PYROXD2: variants seen among roughly 807,000 people sequenced by gnomAD.
PYROXD2 encodes the protein pyridine nucleotide-disulphide oxidoreductase domain 2.
In PYROXD2, 69 loss-of-function variants were observed where a neutral mutation model predicts 71.1. That is an observed-to-expected ratio of 0.97 (90% CI 0.80 to 1.19). The LOEUF (loss-of-function observed/expected upper bound fraction) is 1.19, where lower values mean the gene tolerates loss of function less well. Among genes scored for constraint, PYROXD2 ranks in the 50% most tolerant of loss-of-function variants. The probability of loss-of-function intolerance (pLI) is 0.00; values close to 1 mark genes in which losing one functional copy is unlikely to be tolerated. For synonymous variants in PYROXD2, 287 were observed against 302.7 expected (o/e 0.95, Z 0.54); for missense variants, 745 against 748.9 (o/e 0.99, Z 0.06).
intron 9 of PYROXD2, 88 bp from the exon 10 acceptor site, chr10:98,392,654 C>T: frequency 6.4e-7 from 1 of 1,552,160 alleles, no homozygotes; most frequent in Non-Finnish European, 8.6e-7. Flanking sequence ...TGTGCTGCTC[C>T]TAGGCATTCA....
chr10:98,388,477 G>T lies in PYROXD2; in HGVS notation c.1324C>A (p.Leu442Met), dbSNP rs1842833516. ...CCAGGGGGAGCCAGGGTGGGGTCCA[G>T]CGAGGAAGGGATGCAGAGCTCAATC... ...PVIELCIPSS[L>M]DPTLAPPGCH... is the part of the protein sequence containing the mutation. Residue 442 changes from leucine (L) to methionine (M), a missense_variant, in exon 13 of 16, where the codon CTG becomes ATG. Transcript: ENST00000370575. The T allele has an allele frequency of 6.2e-7, 1 of 1,611,384 alleles. No homozygotes were observed. The highest frequency in any genetic ancestry group is 8.5e-7 in the Non-Finnish European group (1 of 1,179,202).
intron 5 of PYROXD2, 99 bp from the exon 6 acceptor site, chr10:98,397,597 C>G: frequency 7.1e-7 from 1 of 1,410,654 alleles, no homozygotes; most frequent in Non-Finnish European, 9.4e-7. Context: ...GACGGTTCCT[C>G]AGGCCTCATT....
In PYROXD2 at chr10:98,400,325, G is replaced by A. The variant is rs142378562; in HGVS notation, c.316-68C>T. On this transcript the variant is annotated intron_variant, in intron 4 of 15. Coordinates refer to ENST00000370575, the MANE Select transcript of PYROXD2 (RefSeq NM_032709.3). ...TGGTCTCTGCCCATCATCTTTCTCC[G>A]ATTGTGTTTGTGTGACCATTTAGGT... The A allele has an allele frequency of 9.2e-5, 136 of 1,473,470 alleles. 1 individual carries two copies. In the African/African-American group the frequency reaches 1.1e-3, roughly 12 times the overall value. 91.3% of individuals were successfully genotyped at this position (1,473,470 alleles called of 1,614,324 possible).
rs751526655 is a variant in PYROXD2 at position 98,390,993 on chromosome 10, T to C, written c.1135+17A>G. 1 of 1,595,626 alleles carries C rather than the reference T, an allele frequency of 6.3e-7. No individual in the cohort carries two copies. Among genetic ancestry groups the C allele is most frequent in the South Asian group, 1.1e-5 (1 of 90,716 alleles). On this transcript the variant is annotated intron_variant, in intron 11 of 15. Transcript: ENST00000370575. ...TGGGTCAAAGGAGACAGTGCTGCAA[T>C]GTGGTGTGCCTCTTACCATTGATCT...
Position 98,395,223 on chromosome 10 carries a change from A to G in PYROXD2, c.758T>C (p.Met253Thr), listed in dbSNP as rs770400099. Residue 253 changes from methionine to threonine, a missense_variant, in exon 8 of 16, where the codon ATG (methionine) becomes ACG (threonine). Physicochemically the swap from Met to Thr is moderately conservative, Grantham distance 81. Transcript: ENST00000370575. ...TLATDAVIGAMTSPHTPGSGY... is the reference protein window; with the variant it reads ...TLATDAVIGATTSPHTPGSGY... ...ACTCCCCGGAGTGTGGGGACTTGTC[A>G]TGGCTCCAATCACTGCATCTGTGGC... 1 of 1,614,134 alleles carries G rather than the reference A, an allele frequency of 6.2e-7. No homozygotes were observed. Among genetic ancestry groups the G allele is most frequent in the South Asian group, 1.1e-5 (1 of 91,072 alleles).
At chr10:98,397,118 G>A (rs1364503457) in intron 6 of PYROXD2, among the ~76,000 whole-genome samples, 1 of 152,142 alleles carries the variant, frequency 6.6e-6, no homozygotes, top group African/African-American at 2.4e-5. Flanking sequence ...CCTTCCAAAT[G>A]AACTACCCAC....
intron 4 of PYROXD2, among the ~76,000 whole-genome samples, chr10:98,401,253 C>CAAAA (rs751517406): frequency 4.8e-4 from 22 of 45,552 alleles, no homozygotes; most frequent in South Asian, 2.4e-3. Flanking sequence ...GACTCTGTCT[C>CAAAA]AAAAAAAAAA....
rs762316577 is a variant in PYROXD2 at position 98,393,027 on chromosome 10, C to T, written c.842G>A (p.Gly281Asp). 3.7e-6 allele frequency: 6 copies of T among 1,607,260 alleles called. No homozygotes were observed. Among genetic ancestry groups the T allele is most frequent in the South Asian group, 1.1e-5 (1 of 90,584 alleles). The change falls in exon 9 of 16, where the codon GGC (glycine) becomes GAC (aspartate). Residue 281 changes from glycine (G) to aspartate (D), a missense_variant. Transcript: ENST00000370575. ...GGLEGMQGAW[G>D]YVQGGMGALS... Reference sequence around the variant, plus strand: ...GGCACCCATGCCCCCCTGGACGTAGCCCCAGGCCCCCTGCATTCCCTCCAG... The same window carrying T: ...GGCACCCATGCCCCCCTGGACGTAGTCCCAGGCCCCCTGCATTCCCTCCAG...
In PYROXD2 at chr10:98,395,254, T is replaced by C. The variant is rs142035464; in HGVS notation, c.727A>G (p.Thr243Ala). Reference protein sequence around the residue: ...QWFESEPLKATLATDAVIGAM... With the variant: ...QWFESEPLKAALATDAVIGAM... ...CCAATCACTGCATCTGTGGCTAGAGTGGCTTTTAAAGGCTCAGACTCGAAC... is the reference window on the plus strand; with the variant it reads ...CCAATCACTGCATCTGTGGCTAGAGCGGCTTTTAAAGGCTCAGACTCGAAC... The change falls in exon 8 of 16, where the codon ACT becomes GCT. Residue 243 changes from threonine to alanine, a missense_variant. Thr to Ala is a moderately conservative substitution (Grantham distance 58). Coordinates refer to ENST00000370575, the MANE Select transcript of PYROXD2 (RefSeq NM_032709.3). 4.2e-5 allele frequency: 67 copies of C among 1,613,496 alleles called. No homozygotes were observed. The highest frequency in any genetic ancestry group is 1.0e-4 in the Admixed American group (6 of 59,946).
At chr10:98,390,159 GA>G (rs1304928005) in intron 12 of PYROXD2, among the ~76,000 whole-genome samples, 1 of 152,154 alleles carries the variant, frequency 6.6e-6, no homozygotes, top group Middle Eastern at 3.2e-3. Context: ...CAGAAGAATG[GA>G]AATACAGCTG....
intron 1 of PYROXD2, chr10:98,414,808 G>T: frequency 1.4e-6 from 1 of 690,290 alleles, no homozygotes; most frequent in Non-Finnish European, 2.3e-6. Flanking sequence ...ACACAGCAGA[G>T]CCAGCACCGG....
intron 14 of PYROXD2, 82 bp from the exon 15 acceptor site, chr10:98,385,149 T>C: frequency 6.5e-7 from 1 of 1,540,676 alleles, no homozygotes; most frequent in East Asian, 2.3e-5. Flanking sequence ...CCTCCCCTGT[T>C]CTTCAGCAAA....
At chr10:98,402,481 G>T (rs1051605794) in intron 4 of PYROXD2, among the ~76,000 whole-genome samples, 2 of 152,186 alleles carry the variant, frequency 1.3e-5, no homozygotes, top group South Asian at 2.1e-4. Context: ...TTACTCCAGG[G>T]TCACTTTAAA....
At chr10:98,391,485 T>G (rs151125785) in intron 10 of PYROXD2, among the ~76,000 whole-genome samples, 1 of 152,290 alleles carries the variant, frequency 6.6e-6, no homozygotes, top group South Asian at 2.1e-4. Context: ...GCTTTGCCCC[T>G]AAGAATTGCC....
chr10:98,388,328 G>T, intron 13 of PYROXD2, 26 bp downstream of exon 13: 1 of 1,613,096 alleles, frequency 6.2e-7, no homozygotes, highest in Non-Finnish European at 8.5e-7. Context: ...TGTGGCTCTG[G>T]AGGCAGAACG....
intron 12 of PYROXD2, among the ~76,000 whole-genome samples, chr10:98,389,510 A>G (rs1464782523): frequency 1.3e-5 from 2 of 152,140 alleles, no homozygotes; most frequent in Non-Finnish European, 2.9e-5. Flanking sequence ...GGCACTTGAC[A>G]AGACCCAGCA....
chr10:98,396,365 TG>T (rs1275594647), intron 6 of PYROXD2, among the ~76,000 whole-genome samples: 1 of 152,198 alleles, frequency 6.6e-6, no homozygotes, highest in Admixed American at 6.5e-5. Context: ...GGAGCAGAGC[TG>T]CCTCCACTGA....
chr10:98,397,877 CTTTTTTT>C (rs60678578), intron 5 of PYROXD2, among the ~76,000 whole-genome samples: 24 of 84,176 alleles, frequency 2.9e-4, no homozygotes, highest in African/African-American at 1.1e-3. Flanking sequence ...GTCCTTTCTT[CTTTTTTT>C]TTTTTTTTTT....
chr10:98,392,701 G>T (rs143523587), intron 9 of PYROXD2, 135 bp from the exon 10 acceptor site: 1,155 of 1,425,702 alleles, frequency 8.1e-4, no homozygotes, highest in Middle Eastern at 1.5e-3. Flanking sequence ...ACCAAGTTCT[G>T]CAGCTTCTCC....
Sources: gnomAD v4.1 joint callset for allele counts (sites outside exome capture counted in the v4.1 genomes callset) on GRCh38, gnomAD v4.1.1 for gene constraint, MANE v1.5 for transcripts, NCBI Gene and HGNC (gene_info 2026-07-23, HGNC 2026-07-21) for gene names.